The following FCHSD2 variants were observed in gnomAD, a reference collection of about 807,000 sequenced individuals.
The protein encoded by FCHSD2 is FCH and double SH3 domains 2.
In FCHSD2, 38 loss-of-function variants were observed where a neutral mutation model predicts 108.1. The ratio of observed to expected loss-of-function variants is 0.35; its 90% CI spans 0.27 to 0.46. The LOEUF is 0.46. Ranked by LOEUF, FCHSD2 falls within the 20% of genes least tolerant of loss-of-function variation. The pLI is 1.00. For synonymous variants in FCHSD2, 279 were observed against 314.7 expected, an observed-to-expected ratio of 0.89 and a Z score of 1.20; for missense variants, 751 against 897.8, an observed-to-expected ratio of 0.84 and a Z score of 2.09.
chr11:72,940,497 G>C, intron 8 of FCHSD2: 1 of 762,248 alleles, frequency 1.3e-6, no homozygotes, highest in Non-Finnish European at 2.3e-6. Flanking sequence ...GGTAAGCCAA[G>C]ATGGGTGCAT....
chr11:72,979,106 C>T (rs1857165810), intron 8 of FCHSD2, among the ~76,000 whole-genome samples: 1 of 152,096 alleles, frequency 6.6e-6, no homozygotes, highest in South Asian at 2.1e-4. Flanking sequence ...GATCTGCCCA[C>T]CTCGGCCTCC....
chr11:72,870,849 G>A (rs146714169), intron 12 of FCHSD2, among the ~76,000 whole-genome samples: 1,789 of 128,056 alleles, frequency 0.014, 33 homozygotes, highest in African/African-American at 0.05. Flanking sequence ...TCAGTGAGCC[G>A]AGATTGCGCC....
At chr11:72,910,033 A>AC (rs1278256157) in intron 9 of FCHSD2, among the ~76,000 whole-genome samples, 3 of 86,608 alleles carry the variant, frequency 3.5e-5, no homozygotes, top group African/African-American at 1.3e-4. Context: ...CTGCCCGGCC[A>AC]CCCCGTCTGG....
chr11:73,062,606 GAGCTGAAATACAC>G lies in FCHSD2; in HGVS notation c.165+21076_165+21088del, dbSNP rs1253063280. ...AGAGGAGAACATAAATGACCCGATG[GAGCTGAAATACAC>G]AGCACGAGAACTTCATGAAGCATAC... On this transcript the variant is annotated intron_variant, in intron 3 of 19. Transcript: ENST00000409418. Among the ~76,000 whole-genome samples, 5 of 152,208 alleles carry G rather than the reference GAGCTGAAATACAC, an allele frequency of 3.3e-5. No homozygotes were observed. In the East Asian group the frequency reaches 9.6e-4, roughly 29 times the overall value.
chr11:73,091,251 G>GT (rs1284104719), intron 2 of FCHSD2, among the ~76,000 whole-genome samples: 5 of 152,092 alleles, frequency 3.3e-5, no homozygotes, highest in Non-Finnish European at 7.4e-5. Context: ...GTAAAGACAC[G>GT]TTTTAGACCA....
rs143839705 is a variant in FCHSD2, at chr11:72,850,124, C to T, written c.1309-235G>A. Among the ~76,000 whole-genome samples the T allele has an allele frequency of 7.5e-3, 1,008 of 134,616 alleles. 8 individuals are homozygous for T. Among genetic ancestry groups the T allele is most frequent in the African/African-American group, 0.027 (950 of 35,404 alleles). 88.3% of individuals were successfully genotyped at this position (134,616 alleles called of 152,430 possible). A position where few individuals can be genotyped will look rare whatever the true frequency, so the allele number is the denominator to read the frequency against. ...TGTCACCCCGGCTGGACTGCAATGG[C>T]GTGATCTTGGCTCACTGCAACCTCG... On this transcript the variant is annotated intron_variant, in intron 13 of 19. Coordinates refer to ENST00000409418, the MANE Select transcript of FCHSD2 (RefSeq NM_014824.3).
At chr11:73,023,619 T>G (rs898808970) in intron 3 of FCHSD2, among the ~76,000 whole-genome samples, 1 of 152,118 alleles carries the variant, frequency 6.6e-6, no homozygotes, top group African/African-American at 2.4e-5. Flanking sequence ...TGAAAGACAG[T>G]TTTGAAATTT....
chr11:73,122,414 A>G (rs1591571985), intron 2 of FCHSD2, among the ~76,000 whole-genome samples: 1 of 152,318 alleles, frequency 6.6e-6, no homozygotes, highest in Middle Eastern at 3.4e-3. Flanking sequence ...AAGCAGGTAT[A>G]CAGGCATCCC....
intron 3 of FCHSD2, among the ~76,000 whole-genome samples, chr11:73,027,400 T>G (rs1858253841): frequency 6.6e-6 from 1 of 152,202 alleles, no homozygotes; most frequent in Non-Finnish European, 1.5e-5. Context: ...ATTTAGGGTA[T>G]CTGGCAGAAG....
chr11:73,007,611 A>G (rs1394263532), intron 4 of FCHSD2, among the ~76,000 whole-genome samples: 1 of 152,144 alleles, frequency 6.6e-6, no homozygotes, highest in African/African-American at 2.4e-5. Flanking sequence ...GAAAGAAAGG[A>G]AAGAAGAAAG....
At chr11:72,933,604 T>C (rs1272526126) in intron 8 of FCHSD2, among the ~76,000 whole-genome samples, 1 of 152,192 alleles carries the variant, frequency 6.6e-6, no homozygotes, top group Non-Finnish European at 1.5e-5. Context: ...ATATCCAAAT[T>C]GTGTCTTTTG....
intron 3 of FCHSD2, among the ~76,000 whole-genome samples, chr11:73,055,897 A>G (rs1859013930): frequency 6.6e-6 from 1 of 152,188 alleles, no homozygotes; most frequent in Non-Finnish European, 1.5e-5. Flanking sequence ...ATGATTACAG[A>G]ATATCTATTT....
At chr11:72,952,749 G>C (rs775024161) in intron 8 of FCHSD2, among the ~76,000 whole-genome samples, 24 of 152,172 alleles carry the variant, frequency 1.6e-4, no homozygotes, top group Non-Finnish European at 3.1e-4. Flanking sequence ...AATACTTACA[G>C]AACACCTACT....
intron 13 of FCHSD2, among the ~76,000 whole-genome samples, chr11:72,858,483 T>C (rs1861483445): frequency 6.6e-6 from 1 of 152,220 alleles, no homozygotes; most frequent in African/African-American, 2.4e-5. Context: ...TGGATAGAGC[T>C]GGAGGCCATT....
intron 2 of FCHSD2, among the ~76,000 whole-genome samples, chr11:73,108,729 C>T (rs1387575159): frequency 2.6e-5 from 4 of 152,010 alleles, no homozygotes; most frequent in Admixed American, 2.0e-4. Flanking sequence ...CCACCGCGCC[C>T]GGCTAATTTT....
chr11:73,026,258 A>G (rs973077488), intron 3 of FCHSD2, among the ~76,000 whole-genome samples: 1 of 152,172 alleles, frequency 6.6e-6, no homozygotes, highest in Non-Finnish European at 1.5e-5. Context: ...GGTTACAGGC[A>G]TAAGCCACCG....
intron 3 of FCHSD2, among the ~76,000 whole-genome samples, chr11:73,048,140 TA>T (rs1259582298): frequency 2.0e-5 from 3 of 152,138 alleles, no homozygotes; most frequent in Non-Finnish European, 4.4e-5. Context: ...AATGTTAGCA[TA>T]TCAAACTGCA....
intron 12 of FCHSD2, among the ~76,000 whole-genome samples, chr11:72,877,216 T>C (rs1282510905): frequency 1.3e-5 from 2 of 152,112 alleles, no homozygotes; most frequent in Non-Finnish European, 2.9e-5. Flanking sequence ...TTAGTGTTTG[T>C]TCTCCTGTGA....
At chr11:72,849,967 T>C in intron 13 of FCHSD2, 78 bp from the exon 14 acceptor site, 3 of 1,136,328 alleles carry the variant, frequency 2.6e-6, no homozygotes, top group Non-Finnish European at 3.9e-6. Context: ...ACTTAAAACC[T>C]GATTGTTTCA....
Sources: gnomAD v4.1 joint callset for allele counts (sites outside exome capture counted in the v4.1 genomes callset) on GRCh38, gnomAD v4.1.1 for gene constraint, MANE v1.5 for transcripts, NCBI Gene and HGNC (gene_info 2026-07-23, HGNC 2026-07-21) for gene names.